SGMS1: variants seen among roughly 807,000 people sequenced by gnomAD.
The protein encoded by SGMS1 is sphingomyelin synthase 1.
Under a neutral mutation model 46.2 loss-of-function variants are expected in SGMS1, and 13 were observed. That is an observed-to-expected ratio of 0.28 (90% CI 0.18 to 0.45). The LOEUF is 0.45. Ranked by LOEUF, SGMS1 falls within the 20% of genes least tolerant of loss-of-function variation. The pLI is 1.00. For missense variants in SGMS1, 324 were observed against 519.9 expected (o/e 0.62, Z 3.66); for synonymous variants, 203 against 187.8 (o/e 1.08, Z -0.66).
intron 6 of SGMS1, among the ~76,000 whole-genome samples, chr10:50,360,942 G>A (rs1006951050): frequency 3.9e-5 from 6 of 152,290 alleles, no homozygotes; most frequent in East Asian, 1.9e-4. Context: ...GGGTGAGGCC[G>A]TGCTTTACTA....
intron 2 of SGMS1, among the ~76,000 whole-genome samples, chr10:50,586,301 C>A (rs1838483986): frequency 6.6e-6 from 1 of 152,170 alleles, no homozygotes; most frequent in Non-Finnish European, 1.5e-5. Context: ...CTCCACCATG[C>A]CCATCAATCC....
chr10:50,341,383 GTGGACGA>G (rs1847818938), intron 7 of SGMS1: 2 of 456,010 alleles, frequency 4.4e-6, no homozygotes, highest in Non-Finnish European at 8.8e-6. Flanking sequence ...GAAGGACAGG[GTGGACGA>G]TGCTTAGGAA....
chr10:50,407,997 T>C (rs1381514325), intron 6 of SGMS1, among the ~76,000 whole-genome samples: 1 of 152,210 alleles, frequency 6.6e-6, no homozygotes, highest in Non-Finnish European at 1.5e-5. Context: ...CACAGTGCTG[T>C]CCAGTAGAGC....
intron 2 of SGMS1, among the ~76,000 whole-genome samples, chr10:50,541,809 C>T (rs1366656960): frequency 6.6e-6 from 1 of 152,108 alleles, no homozygotes; most frequent in Non-Finnish European, 1.5e-5. Context: ...AGGGTTCATG[C>T]ACTTTTAAAA....
intron 6 of SGMS1, among the ~76,000 whole-genome samples, chr10:50,357,910 A>G (rs1383033461): frequency 6.6e-6 from 1 of 152,178 alleles, no homozygotes. Flanking sequence ...ATGACAAAAG[A>G]ATGATGAAAG....
intron 7 of SGMS1, among the ~76,000 whole-genome samples, chr10:50,336,824 A>C (rs1368249130): frequency 6.6e-6 from 1 of 152,172 alleles, no homozygotes; most frequent in African/African-American, 2.4e-5. Context: ...GAATAACACT[A>C]CTTGTTTTAA....
At chr10:50,349,571 G>A (rs908889347) in intron 6 of SGMS1, among the ~76,000 whole-genome samples, 1 of 152,118 alleles carries the variant, frequency 6.6e-6, no homozygotes, top group Non-Finnish European at 1.5e-5. Context: ...ATCTCATTCT[G>A]AATTGTATTC....
chr10:50,371,180 T>A (rs1848430329), intron 6 of SGMS1, among the ~76,000 whole-genome samples: 1 of 152,202 alleles, frequency 6.6e-6, no homozygotes, highest in Non-Finnish European at 1.5e-5. Flanking sequence ...ATTACACCAG[T>A]AGGCTATATA....
chr10:50,514,289 A>T (rs1270934994), intron 3 of SGMS1, among the ~76,000 whole-genome samples: 1 of 152,148 alleles, frequency 6.6e-6, no homozygotes, highest in Non-Finnish European at 1.5e-5. Context: ...TTGACACGAT[A>T]AGTCTTTGAG....
chr10:50,453,466 G>A (rs1239038801), intron 5 of SGMS1, among the ~76,000 whole-genome samples: 1 of 151,002 alleles, frequency 6.6e-6, no homozygotes, highest in Admixed American at 6.6e-5. Flanking sequence ...CTGTCATCAA[G>A]GACGGCTTAA....
intron 1 of SGMS1, among the ~76,000 whole-genome samples, chr10:50,596,174 G>A (rs985892114): frequency 8.2e-6 from 1 of 122,352 alleles, no homozygotes; most frequent in East Asian, 2.7e-4. Flanking sequence ...CTTGTATCAC[G>A]ATTTTTTTTT....
chr10:50,434,140 TA>T (rs1453523887), intron 5 of SGMS1, among the ~76,000 whole-genome samples: 1 of 152,230 alleles, frequency 6.6e-6, no homozygotes, highest in East Asian at 1.9e-4. Flanking sequence ...ATTCACAGAA[TA>T]ATAAAATATG....
chr10:50,453,172 C>T (rs894090451), intron 5 of SGMS1, among the ~76,000 whole-genome samples: 1 of 151,742 alleles, frequency 6.6e-6, no homozygotes, highest in African/African-American at 2.4e-5. Flanking sequence ...GAAAATATTT[C>T]GAATACTAGA....
At chr10:50,365,709 T>G (rs1363671205) in intron 6 of SGMS1, among the ~76,000 whole-genome samples, 1 of 152,208 alleles carries the variant, frequency 6.6e-6, no homozygotes, top group East Asian at 1.9e-4. Flanking sequence ...CTGTGTTAGT[T>G]TGCTGAGGAC....
intron 1 of SGMS1, among the ~76,000 whole-genome samples, chr10:50,593,920 C>T (rs543311769): frequency 1.1e-3 from 160 of 152,328 alleles, no homozygotes; most frequent in African/African-American, 3.5e-3. Flanking sequence ...TTACATTCTA[C>T]TGTGTGTCCT....
intron 2 of SGMS1, among the ~76,000 whole-genome samples, chr10:50,574,662 A>G (rs1319842840): frequency 1.3e-5 from 2 of 152,176 alleles, no homozygotes; most frequent in African/African-American, 4.8e-5. Flanking sequence ...TGAAATCAGG[A>G]TCTTGAGGAG....
chr10:50,620,266 AC>A (rs1838837078), intron 1 of SGMS1, among the ~76,000 whole-genome samples: 1 of 152,242 alleles, frequency 6.6e-6, no homozygotes, highest in African/African-American at 2.4e-5. Flanking sequence ...GGAGGTAACA[AC>A]CTTTACAGGG....
chr10:50,432,622 G>A (rs546080999), intron 6 of SGMS1, among the ~76,000 whole-genome samples: 6 of 152,186 alleles, frequency 3.9e-5, no homozygotes, highest in Non-Finnish European at 5.9e-5. Flanking sequence ...CCAATCTTTT[G>A]AGATAGAATA....
intron 3 of SGMS1, among the ~76,000 whole-genome samples, chr10:50,502,386 TC>T (rs1409143544): frequency 6.6e-6 from 1 of 151,058 alleles, no homozygotes; most frequent in Non-Finnish European, 1.5e-5. Flanking sequence ...TAACTGAGCT[TC>T]CGAGGGAAGT....
Sources: gnomAD v4.1 joint callset for allele counts (sites outside exome capture counted in the v4.1 genomes callset) on GRCh38, gnomAD v4.1.1 for gene constraint, MANE v1.5 for transcripts, NCBI Gene and HGNC (gene_info 2026-07-23, HGNC 2026-07-21) for gene names.